CDH10: variants seen among roughly 807,000 people sequenced by gnomAD.
The protein encoded by CDH10 is cadherin-10.
CDH10 carries 30 observed loss-of-function variants against 73.1 expected under a neutral mutation model. That is an observed-to-expected ratio of 0.41 (90% CI 0.31 to 0.56). CDH10 has a LOEUF of 0.56. Ranked by LOEUF, CDH10 falls within the 20% of genes least tolerant of loss-of-function variation. The probability of loss-of-function intolerance (pLI) is 0.27; values close to 1 mark genes in which losing one functional copy is unlikely to be tolerated. For missense variants in CDH10, 815 were observed against 973.7 expected (o/e 0.84, Z 2.17); for synonymous variants, 345 against 348.2 (o/e 0.99, Z 0.10).
intron 2 of CDH10, among the ~76,000 whole-genome samples, chr5:24,563,506 A>G (rs1745037674): frequency 6.8e-6 from 1 of 147,684 alleles, no homozygotes; most frequent in Non-Finnish European, 1.5e-5. Context: ...CTGTAATCCC[A>G]GCACTTTGGG....
rs374576009 is a variant in CDH10 at position 24,625,634 on chromosome 5, T to C, written c.-124+18960A>G. Among the ~76,000 whole-genome samples the C allele has an allele frequency of 1.2e-4, 18 of 149,510 alleles. No homozygotes were observed. The East Asian group carries it at 2.3e-3, about 19-fold the overall frequency. On this transcript the variant is annotated intron_variant, in intron 1 of 11. Transcript: ENST00000264463. ...ATATATTCACAAATATGAATATATA[T>C]GTGTATATATATATTCACAATTCAC...
At chr5:24,572,935 GAAAAAAAAAAA>G (rs55946839) in intron 2 of CDH10, among the ~76,000 whole-genome samples, 1 of 72,116 alleles carries the variant, frequency 1.4e-5, no homozygotes, top group Non-Finnish European at 2.5e-5. Context: ...CTTAGAAAAA[GAAAAAAAAAAA>G]AAAAAAAAAA....
rs2111883653 is a variant in CDH10, at chr5:24,535,787, C to T, written c.562G>A (p.Asp188Asn). The T allele has an allele frequency of 1.2e-6, 2 of 1,609,572 alleles. No homozygotes were observed. Among genetic ancestry groups the T allele is most frequent in the Non-Finnish European group, 1.7e-6 (2 of 1,176,640 alleles). ...SVVQVTATDADDPSYGNSARV... is the reference protein window; with the variant it reads ...SVVQVTATDANDPSYGNSARV... The stretch of plus-strand genomic sequence containing the variant: ...GCGCTGTTCCCATATGAAGGGTCAT[C>T]GGCATCTGTAGCTGTGACTTGCACC... The change falls in exon 4 of 12, where the codon GAT (aspartate) becomes AAT (asparagine). Residue 188 changes from aspartate to asparagine, a missense_variant. Asp to Asn is a conservative substitution (Grantham distance 23, BLOSUM62 1). Transcript: ENST00000264463.
intron 1 of CDH10, among the ~76,000 whole-genome samples, chr5:24,605,925 G>A (rs756310353): frequency 8.5e-5 from 13 of 152,104 alleles, no homozygotes; most frequent in South Asian, 6.2e-4. Flanking sequence ...ATTGACACAC[G>A]GATGAATCTC....
intron 9 of CDH10, among the ~76,000 whole-genome samples, chr5:24,495,296 A>G (rs1235484910): frequency 6.6e-6 from 1 of 152,234 alleles, no homozygotes. Context: ...TTTGAAGAAA[A>G]GTGCACAGAG....
intron 5 of CDH10, among the ~76,000 whole-genome samples, chr5:24,532,331 C>T (rs1011574384): frequency 2.0e-5 from 3 of 152,024 alleles, no homozygotes; most frequent in Non-Finnish European, 4.4e-5. Context: ...AAATTCCAGC[C>T]ACTGAGTCCA....
chr5:24,490,104 G>A (rs1004297946), intron 11 of CDH10, among the ~76,000 whole-genome samples: 2 of 152,170 alleles, frequency 1.3e-5, no homozygotes, highest in Admixed American at 1.3e-4. Flanking sequence ...CAGTAAACAC[G>A]TACTAAAAAC....
chr5:24,570,698 A>G (rs184231335), intron 2 of CDH10, among the ~76,000 whole-genome samples: 1,921 of 152,176 alleles, frequency 0.013, 49 homozygotes, highest in African/African-American at 0.044. Context: ...TGGCCTCTGC[A>G]TTTCTATCTA....
intron 5 of CDH10, among the ~76,000 whole-genome samples, chr5:24,529,122 T>C (rs1309281120): frequency 6.6e-6 from 1 of 152,030 alleles, no homozygotes; most frequent in African/African-American, 2.4e-5. Context: ...CTAATACTAT[T>C]ATTTTTACAC....
rs567927299 is a variant in CDH10, at chr5:24,559,821, A to T, written c.232-22147T>A. On this transcript the variant is annotated intron_variant, in intron 2 of 11. Transcript: ENST00000264463. ...TGCGAAGTGAACATTTTCATTTGGAATCATTGAACTGATTAAAATGCAAAT... is the reference window on the plus strand; with the variant it reads ...TGCGAAGTGAACATTTTCATTTGGATTCATTGAACTGATTAAAATGCAAAT... Among the ~76,000 whole-genome samples, 12 of 152,258 alleles carry T rather than the reference A, an allele frequency of 7.9e-5. No individual in the cohort carries two copies. The South Asian group carries it at 2.5e-3, about 32-fold the overall frequency.
intron 2 of CDH10, among the ~76,000 whole-genome samples, chr5:24,562,612 T>C (rs1011098317): frequency 2.0e-5 from 3 of 152,128 alleles, no homozygotes; most frequent in African/African-American, 7.2e-5. Flanking sequence ...AAAACTTGAT[T>C]GTCTATTTAT....
chr5:24,532,570 C>T (rs1281941931), intron 5 of CDH10, among the ~76,000 whole-genome samples: 1 of 151,994 alleles, frequency 6.6e-6, no homozygotes, highest in Non-Finnish European at 1.5e-5. Context: ...ATAGCTATGA[C>T]TACAAATGTA....
At position 24,492,156 on chromosome 5, in the gene CDH10, A is replaced by C. The variant is rs191172170; in HGVS notation, c.1625-329T>G. Among the ~76,000 whole-genome samples, 1,302 of 152,340 alleles carry C rather than the reference A, an allele frequency of 8.5e-3. 12 individuals carry two copies. The highest frequency in any genetic ancestry group is 0.04 in the South Asian group (191 of 4,828). On this transcript the variant is annotated intron_variant, in intron 10 of 11. Coordinates refer to ENST00000264463, the MANE Select transcript of CDH10 (RefSeq NM_006727.5). Reference sequence around the variant, plus strand: ...TCTTTTCAAAAAACCTATTTTGCATACCAAGAGAAAAACCATACTAAATGT... The same window carrying C: ...TCTTTTCAAAAAACCTATTTTGCATCCCAAGAGAAAAACCATACTAAATGT...
intron 1 of CDH10, among the ~76,000 whole-genome samples, chr5:24,643,628 G>A (rs1748127495): frequency 6.6e-6 from 1 of 152,142 alleles, no homozygotes; most frequent in Non-Finnish European, 1.5e-5. Flanking sequence ...TGGAATGAAG[G>A]AATGAAGGAC....
chr5:24,521,715 A>C (rs898556379), intron 5 of CDH10, among the ~76,000 whole-genome samples: 1 of 152,226 alleles, frequency 6.6e-6, no homozygotes, highest in Non-Finnish European at 1.5e-5. Context: ...TAAACTAAAC[A>C]TAACTGAATA....
intron 1 of CDH10, 45 bp downstream of exon 1, chr5:24,644,549 A>G (rs899516851): frequency 1.3e-5 from 2 of 151,860 alleles, no homozygotes; most frequent in African/African-American, 4.8e-5. Context: ...GGAGGAATAT[A>G]TAATACCTTA....
chr5:24,586,020 A>G (rs903881188), intron 2 of CDH10, among the ~76,000 whole-genome samples: 7 of 152,202 alleles, frequency 4.6e-5, no homozygotes, highest in Non-Finnish European at 1.0e-4. Flanking sequence ...TTGGGGTGGT[A>G]TTTGAAAATG....
chr5:24,633,686 T>C (rs1747776511), intron 1 of CDH10, among the ~76,000 whole-genome samples: 1 of 151,898 alleles, frequency 6.6e-6, no homozygotes, highest in African/African-American at 2.4e-5. Context: ...GCCTCAAAAA[T>C]ATTGTTTAAA....
chr5:24,557,145 AGTATATTCT>A (rs1744795915), intron 2 of CDH10, among the ~76,000 whole-genome samples: 2 of 151,774 alleles, frequency 1.3e-5, no homozygotes, highest in Non-Finnish European at 3.0e-5. Context: ...TAGTACTATT[AGTATATTCT>A]GTAACTTTAA....
Sources: gnomAD v4.1 joint callset for allele counts (sites outside exome capture counted in the v4.1 genomes callset) on GRCh38, gnomAD v4.1.1 for gene constraint, MANE v1.5 for transcripts, NCBI Gene and HGNC (gene_info 2026-07-23, HGNC 2026-07-21) for gene names.